The following SEPHS1 variants were observed in gnomAD, a reference collection of about 807,000 sequenced individuals.
SEPHS1 encodes selenophosphate synthetase 1, also known as zincore component SEPHS1.
A neutral mutation model predicts 39.2 loss-of-function variants in SEPHS1; 7 were observed. That is an observed-to-expected ratio of 0.18 (90% CI 0.10 to 0.34). SEPHS1 has a LOEUF of 0.34. Among genes scored for constraint, SEPHS1 ranks in the 10% least tolerant of loss-of-function variants. The probability of loss-of-function intolerance (pLI) is 1.00; values close to 1 mark genes in which losing one functional copy is unlikely to be tolerated. For synonymous variants in SEPHS1, 190 were observed against 195.5 expected, an observed-to-expected ratio of 0.97 and a Z score of 0.23; for missense variants, 253 against 514.5, an observed-to-expected ratio of 0.49 and a Z score of 4.92.
intron 4 of SEPHS1, 120 bp from the exon 5 acceptor site, chr10:13,334,091 T>C (rs1833552128): frequency 1.1e-6 from 1 of 887,690 alleles, no homozygotes. Flanking sequence ...GTCCTCAAAG[T>C]TTACAGACAG....
intron 7 of SEPHS1, among the ~76,000 whole-genome samples, chr10:13,325,953 A>AAT (rs1833268106): frequency 8.9e-6 from 1 of 112,278 alleles, no homozygotes; most frequent in Non-Finnish European, 1.8e-5. Flanking sequence ...TCTCAAAAAA[A>AAT]AAAAAAAAAA....
At chr10:13,323,088 C>A in intron 7 of SEPHS1, 41 bp from the exon 8 acceptor site, 2 of 1,537,984 alleles carry the variant, frequency 1.3e-6, no homozygotes, top group Non-Finnish European at 1.8e-6. Context: ...AAACACCTTT[C>A]CTCAACTCAA....
chr10:13,329,923 GC>G, intron 5 of SEPHS1, 135 bp from the exon 6 acceptor site: 1 of 715,640 alleles, frequency 1.4e-6, no homozygotes, highest in South Asian at 1.8e-5. Context: ...CCAACTACCA[GC>G]ATGTATGGGA....
chr10:13,324,052 G>A (rs1281253171), intron 7 of SEPHS1, among the ~76,000 whole-genome samples: 1 of 152,010 alleles, frequency 6.6e-6, no homozygotes, highest in Non-Finnish European at 1.5e-5. Flanking sequence ...AAATTAAGTG[G>A]GAAGTAACAA....
intron 8 of SEPHS1, among the ~76,000 whole-genome samples, chr10:13,319,706 C>G (rs1260004575): frequency 5.3e-5 from 8 of 152,114 alleles, no homozygotes; most frequent in African/African-American, 1.9e-4. Flanking sequence ...TCTAAAACTC[C>G]TGGACTCAAG....
chr10:13,319,094 G>A lies in SEPHS1; in HGVS notation c.*48C>T. 1 of 1,557,418 alleles carries A rather than the reference G, an allele frequency of 6.4e-7. No individual in the cohort carries two copies. The highest frequency in any genetic ancestry group is 8.8e-7 in the Non-Finnish European group (1 of 1,133,044). ...ATAGTCTTTAATTGAAGTGATAAGG[G>A]AAATAGATCTATTTAAAAACAAAAC... is the stretch of plus-strand genomic sequence containing the variant. On this transcript the variant is annotated 3_prime_UTR_variant, in exon 9 of 9. Transcript: ENST00000327347.
At chr10:13,341,961 T>G (rs1239964479) in intron 2 of SEPHS1, among the ~76,000 whole-genome samples, 16 of 115,200 alleles carry the variant, frequency 1.4e-4, no homozygotes, top group South Asian at 5.4e-4. Flanking sequence ...GGTGATGGAG[T>G]GAGACTCTAT....
At chr10:13,333,478 T>C (rs1057110416) in intron 5 of SEPHS1, among the ~76,000 whole-genome samples, 3 of 151,584 alleles carry the variant, frequency 2.0e-5, no homozygotes, top group African/African-American at 7.3e-5. Flanking sequence ...TCTTGTTCTG[T>C]TGCCCAGGCT....
At chr10:13,323,974 C>T (rs554942170) in intron 7 of SEPHS1, among the ~76,000 whole-genome samples, 1 of 151,924 alleles carries the variant, frequency 6.6e-6, no homozygotes, top group South Asian at 2.1e-4. Flanking sequence ...TCCATTCACC[C>T]GACCTATTAT....
chr10:13,339,549 G>A (rs1359331552), intron 2 of SEPHS1, among the ~76,000 whole-genome samples: 3 of 151,882 alleles, frequency 2.0e-5, no homozygotes, highest in Non-Finnish European at 4.4e-5. Flanking sequence ...CAAGAAAGCT[G>A]AACACAGTGA....
intron 2 of SEPHS1, among the ~76,000 whole-genome samples, chr10:13,339,720 C>T (rs1024777347): frequency 1.3e-5 from 2 of 152,142 alleles, no homozygotes; most frequent in Non-Finnish European, 2.9e-5. Context: ...ATATAACCTA[C>T]ACACATCTTC....
At chr10:13,332,345 C>A (rs1833497201) in intron 5 of SEPHS1, among the ~76,000 whole-genome samples, 1 of 152,146 alleles carries the variant, frequency 6.6e-6, no homozygotes, top group Non-Finnish European at 1.5e-5. Context: ...AAAGCACATT[C>A]TTGGTTGCCA....
chr10:13,340,777 GA>G (rs935743033), intron 2 of SEPHS1: 6 of 152,230 alleles, frequency 3.9e-5, no homozygotes, highest in Non-Finnish European at 8.8e-5. Context: ...CCCTAGGGCT[GA>G]AAAGCAGCTC....
At chr10:13,346,792 C>T (rs566701601) in intron 1 of SEPHS1, among the ~76,000 whole-genome samples, 2 of 152,252 alleles carry the variant, frequency 1.3e-5, no homozygotes, top group Non-Finnish European at 2.9e-5. Context: ...CTATTCCTCT[C>T]CTGGCTCCCA....
In SEPHS1 at chr10:13,319,137, C is replaced by G; in HGVS notation, c.*5G>C. 1.9e-6 allele frequency: 3 copies of G among 1,611,254 alleles called. No individual in the cohort carries two copies. The highest frequency in any genetic ancestry group is 1.3e-5 in the African/African-American group (1 of 74,866). ...AACAAAACCAAACAGCTATTTCTGT[C>G]TAGATTAAGAGGTGGCCCCGGGTGT... On this transcript the variant is annotated 3_prime_UTR_variant, in exon 9 of 9. Transcript: ENST00000327347.
chr10:13,318,922 A>C lies in SEPHS1; in HGVS notation c.*220T>G. ...AGTATTGGATAACAATATAATTCTCAACTCAGAAGCTGCCTCAAGATTAGG... is the reference window on the plus strand; with the variant it reads ...AGTATTGGATAACAATATAATTCTCCACTCAGAAGCTGCCTCAAGATTAGG... On this transcript the variant is annotated 3_prime_UTR_variant, in exon 9 of 9. Transcript: ENST00000327347. 2 of 545,108 alleles carry C rather than the reference A, an allele frequency of 3.7e-6. No individual in the cohort carries two copies. The highest frequency in any genetic ancestry group is 1.9e-5 in the African/African-American group (1 of 51,962). 33.8% of individuals were successfully genotyped at this position (545,108 alleles called of 1,614,324 possible). A position where few individuals can be genotyped will look rare whatever the true frequency, so the allele number is the denominator to read the frequency against.
intron 1 of SEPHS1, among the ~76,000 whole-genome samples, chr10:13,346,235 AAAC>A (rs759642985): frequency 1.8e-4 from 28 of 152,244 alleles, no homozygotes; most frequent in Admixed American, 1.4e-3. Context: ...CTAAAGGAAA[AAAC>A]AACATGTGTT....
chr10:13,320,805 G>T (rs185446528), intron 8 of SEPHS1, among the ~76,000 whole-genome samples: 1 of 152,240 alleles, frequency 6.6e-6, no homozygotes, highest in East Asian at 1.9e-4. Context: ...TCCAGCCTGG[G>T]TGACAAGAGG....
At chr10:13,345,696 G>C (rs1833901524) in intron 1 of SEPHS1, among the ~76,000 whole-genome samples, 1 of 152,086 alleles carries the variant, frequency 6.6e-6, no homozygotes, top group Non-Finnish European at 1.5e-5. Flanking sequence ...GGCCAACATG[G>C]CGAAACCCCG....
Sources: allele counts gnomAD v4.1 joint callset (sites outside exome capture counted in the v4.1 genomes callset), GRCh38; gene constraint gnomAD v4.1.1; transcripts MANE v1.5; gene names NCBI Gene and HGNC (gene_info 2026-07-23, HGNC 2026-07-21).